MAPKAP1: variants seen among roughly 807,000 people sequenced by gnomAD.
MAPKAP1 encodes the protein MAPK associated protein 1, also known as target of rapamycin complex 2 subunit MAPKAP1.
Under a neutral mutation model 65.7 loss-of-function variants are expected in MAPKAP1, and 20 were observed. The observed-to-expected ratio is 0.30, with a 90% CI of 0.21 to 0.44. The LOEUF (loss-of-function observed/expected upper bound fraction) is 0.44, where lower values mean the gene tolerates loss of function less well. Ranked by LOEUF, MAPKAP1 falls within the 20% of genes least tolerant of loss-of-function variation. MAPKAP1 has a pLI of 1.00. For missense variants in MAPKAP1, 423 were observed against 648.0 expected, an observed-to-expected ratio of 0.65 and a Z score of 3.77; for synonymous variants, 222 against 244.3, an observed-to-expected ratio of 0.91 and a Z score of 0.85.
chr9:125,482,901 G>A (rs1449712597), intron 9 of MAPKAP1, among the ~76,000 whole-genome samples: 3 of 152,166 alleles, frequency 2.0e-5, no homozygotes, highest in African/African-American at 7.2e-5. Flanking sequence ...TAGAGGCCAG[G>A]TGCCTAAGTT....
At chr9:125,486,074 G>T (rs748677622) in intron 8 of MAPKAP1, among the ~76,000 whole-genome samples, 1 of 152,188 alleles carries the variant, frequency 6.6e-6, no homozygotes, top group African/African-American at 2.4e-5. Flanking sequence ...AAGGCAACTG[G>T]TATGCTCTCA....
In MAPKAP1 at chr9:125,484,431, TCA is replaced by T; in HGVS notation, c.1207+10_1207+11del. ...CACGACAAGCTAGCTCATCACCTGC[TCA>T]CACACTTACCTAGCTGTACGTCGGT... On this transcript the variant is annotated intron_variant, in intron 9 of 11. Transcript: ENST00000265960. 1.2e-6 allele frequency: 2 copies of T among 1,604,792 alleles called. No homozygotes were observed. The highest frequency in any genetic ancestry group is 1.7e-6 in the Non-Finnish European group (2 of 1,175,604).
At chr9:125,459,497 C>T (rs1853374562) in intron 10 of MAPKAP1, among the ~76,000 whole-genome samples, 1 of 151,984 alleles carries the variant, frequency 6.6e-6, no homozygotes, top group East Asian at 1.9e-4. Flanking sequence ...GAGCCGAGAT[C>T]ACGCCACTGC....
chr9:125,596,022 C>T (rs975114931), intron 4 of MAPKAP1: 132 of 1,487,134 alleles, frequency 8.9e-5, no homozygotes, highest in Non-Finnish European at 1.2e-4. Flanking sequence ...TGAAGAACAT[C>T]ACCTGCGAGA....
intron 4 of MAPKAP1, among the ~76,000 whole-genome samples, chr9:125,597,462 T>C (rs1832171411): frequency 2.0e-5 from 3 of 151,838 alleles, no homozygotes. Context: ...AAAAAAGAAA[T>C]ATCCATATCA....
intron 10 of MAPKAP1, among the ~76,000 whole-genome samples, chr9:125,460,117 A>G (rs1012794040): frequency 6.6e-6 from 1 of 152,156 alleles, no homozygotes; most frequent in Non-Finnish European, 1.5e-5. Flanking sequence ...CCTCTTCTCA[A>G]TTAGGATCTC....
intron 5 of MAPKAP1, chr9:125,565,517 T>C (rs1211936123): frequency 5.5e-6 from 1 of 181,180 alleles, no homozygotes; most frequent in Non-Finnish European, 1.3e-5. Flanking sequence ...TTACTTGGGC[T>C]TTGGTGTTTA....
At chr9:125,496,945 G>A (rs1435998973) in intron 8 of MAPKAP1, among the ~76,000 whole-genome samples, 1 of 152,134 alleles carries the variant, frequency 6.6e-6, no homozygotes, top group Non-Finnish European at 1.5e-5. Flanking sequence ...ACTCAGACTG[G>A]GTTCCTCTCC....
intron 8 of MAPKAP1, among the ~76,000 whole-genome samples, chr9:125,488,490 C>T (rs1350095540): frequency 2.0e-5 from 3 of 152,204 alleles, no homozygotes; most frequent in African/African-American, 7.2e-5. Context: ...CTCAGCCTCC[C>T]AGGTAGCTGA....
intron 7 of MAPKAP1, among the ~76,000 whole-genome samples, chr9:125,520,177 T>C (rs900380340): frequency 3.4e-4 from 52 of 152,224 alleles, no homozygotes; most frequent in Non-Finnish European, 1.0e-4. Flanking sequence ...TGGGCATCTA[T>C]ATCTTAGAGT....
intron 7 of MAPKAP1, among the ~76,000 whole-genome samples, chr9:125,510,398 T>C (rs2133092730): frequency 6.6e-6 from 1 of 152,326 alleles, no homozygotes; most frequent in Admixed American, 6.5e-5. Flanking sequence ...AACTATTTAT[T>C]CCAACAAACC....
intron 4 of MAPKAP1, chr9:125,596,384 T>G: frequency 2.5e-6 from 2 of 812,822 alleles, no homozygotes; most frequent in Non-Finnish European, 4.3e-6. Context: ...ATGGTGGCAG[T>G]AGGGATGGCT....
chr9:125,654,499 A>C (rs990168586), intron 4 of MAPKAP1, among the ~76,000 whole-genome samples: 7 of 152,326 alleles, frequency 4.6e-5, no homozygotes, highest in Middle Eastern at 3.4e-3. Flanking sequence ...CAATTTGCTA[A>C]AGAAATAATA....
chr9:125,659,185 A>G (rs1834116969), intron 3 of MAPKAP1, among the ~76,000 whole-genome samples: 1 of 152,190 alleles, frequency 6.6e-6, no homozygotes, highest in African/African-American at 2.4e-5. Context: ...GAAAGAAATG[A>G]TCCTTTATTA....
intron 7 of MAPKAP1, among the ~76,000 whole-genome samples, chr9:125,528,771 C>T (rs1027637224): frequency 2.9e-4 from 39 of 135,456 alleles, no homozygotes; most frequent in Admixed American, 2.4e-4. Context: ...CGCCTGAACT[C>T]GGGAGGCGGA....
At chr9:125,588,755 T>A (rs1431632238) in intron 4 of MAPKAP1, among the ~76,000 whole-genome samples, 1 of 152,156 alleles carries the variant, frequency 6.6e-6, no homozygotes, top group Non-Finnish European at 1.5e-5. Flanking sequence ...CCATATCCTG[T>A]TTAAATTCCT....
chr9:125,632,859 G>A (rs1198698401), intron 4 of MAPKAP1, among the ~76,000 whole-genome samples: 1 of 152,194 alleles, frequency 6.6e-6, no homozygotes, highest in Non-Finnish European at 1.5e-5. Flanking sequence ...CAATGTGACT[G>A]GAGAATATCT....
intron 4 of MAPKAP1, among the ~76,000 whole-genome samples, chr9:125,643,781 T>C (rs961197102): frequency 3.3e-5 from 5 of 152,224 alleles, no homozygotes; most frequent in African/African-American, 1.2e-4. Flanking sequence ...AATTAGGCTT[T>C]TGATATATAT....
intron 1 of MAPKAP1, among the ~76,000 whole-genome samples, chr9:125,686,556 G>A (rs892157641): frequency 9.9e-5 from 15 of 152,220 alleles, no homozygotes; most frequent in Admixed American, 5.9e-4. Flanking sequence ...TGTGGAGGAG[G>A]AAAAGGAGGA....
Sources: gnomAD v4.1 joint callset for allele counts (sites outside exome capture counted in the v4.1 genomes callset) on GRCh38, gnomAD v4.1.1 for gene constraint, MANE v1.5 for transcripts, NCBI Gene and HGNC (gene_info 2026-07-23, HGNC 2026-07-21) for gene names.